The following DKK2 variants were observed in gnomAD, a reference collection of about 807,000 sequenced individuals.
DKK2 encodes the protein dickkopf-related protein 2.
DKK2 carries 11 observed loss-of-function variants against 28.1 expected under a neutral mutation model. The observed-to-expected ratio is 0.39, with a 90% confidence interval of 0.25 to 0.65. The LOEUF (loss-of-function observed/expected upper bound fraction) is 0.65. DKK2 is among the 30% of genes least tolerant of loss of function. The probability of loss-of-function intolerance (pLI) is 0.47; values close to 1 mark genes in which losing one functional copy is unlikely to be tolerated. For synonymous variants in DKK2, 135 were observed against 126.5 expected (o/e 1.07, Z -0.45); for missense variants, 326 against 335.5 (o/e 0.97, Z 0.22).
At chr4:106,930,255 A>C (rs1724483488) in intron 1 of DKK2, among the ~76,000 whole-genome samples, 1 of 152,220 alleles carries the variant, frequency 6.6e-6, no homozygotes. Context: ...AAGTAAAATA[A>C]AATGTAGTCA....
intron 1 of DKK2, among the ~76,000 whole-genome samples, chr4:107,013,899 C>A (rs1723551555): frequency 1.3e-5 from 2 of 151,274 alleles, no homozygotes; most frequent in African/African-American, 2.4e-5. Flanking sequence ...AGACATTTTT[C>A]AAAAGAAGAG....
intron 1 of DKK2, among the ~76,000 whole-genome samples, chr4:107,001,295 C>A (rs1723356275): frequency 6.6e-6 from 1 of 152,094 alleles, no homozygotes; most frequent in South Asian, 2.1e-4. Flanking sequence ...TCTGCCAACA[C>A]CTTGATTTTA....
chr4:107,001,662 A>T (rs1723361143), intron 1 of DKK2, among the ~76,000 whole-genome samples: 1 of 152,146 alleles, frequency 6.6e-6, no homozygotes, highest in Non-Finnish European at 1.5e-5. Context: ...CAGGTTATTC[A>T]CAGGTTTTAA....
intron 1 of DKK2, among the ~76,000 whole-genome samples, chr4:107,011,639 G>T (rs1415853276): frequency 6.6e-6 from 1 of 151,244 alleles, no homozygotes; most frequent in Non-Finnish European, 1.5e-5. Flanking sequence ...AATAACATTT[G>T]CTGCTTCATC....
chr4:106,983,380 G>T lies in DKK2; in HGVS notation c.222+51990C>A, dbSNP rs1026035907. ...AGAAAGAAAGAAAGAAGAAAGAAAAGAAAGAAAAGAAAAAGAAAAAACTTC... is the reference window on the plus strand; with the variant it reads ...AGAAAGAAAGAAAGAAGAAAGAAAATAAAGAAAAGAAAAAGAAAAAACTTC... On this transcript the variant is annotated intron_variant, in intron 1 of 3. Transcript: ENST00000285311. 2.0e-5 allele frequency among the ~76,000 whole-genome samples: 3 copies of T among 147,934 alleles called. 1 individual carries two copies. In the East Asian group the frequency reaches 5.9e-4, roughly 29 times the overall value.
chr4:106,995,299 C>T (rs1185544430), intron 1 of DKK2, among the ~76,000 whole-genome samples: 1 of 151,928 alleles, frequency 6.6e-6, no homozygotes, highest in African/African-American at 2.4e-5. Flanking sequence ...ATTCTTTTTC[C>T]TACACGACTT....
chr4:106,950,096 A>G (rs1724836811), intron 1 of DKK2, among the ~76,000 whole-genome samples: 1 of 152,214 alleles, frequency 6.6e-6, no homozygotes, highest in Admixed American at 6.6e-5. Flanking sequence ...AGAAGGTCTC[A>G]GTAGATACAT....
intron 1 of DKK2, among the ~76,000 whole-genome samples, chr4:106,950,583 T>C (rs910188601): frequency 3.9e-5 from 6 of 152,120 alleles, no homozygotes; most frequent in Admixed American, 6.6e-5. Context: ...TTCTTACTAC[T>C]TGTCCTTGGC....
chr4:106,928,200 A>G (rs1220920675), intron 1 of DKK2, among the ~76,000 whole-genome samples: 1 of 152,172 alleles, frequency 6.6e-6, no homozygotes, highest in African/African-American at 2.4e-5. Flanking sequence ...GTAGCCTTAT[A>G]TTTGAATGGG....
intron 1 of DKK2, among the ~76,000 whole-genome samples, chr4:106,982,126 T>C (rs560279751): frequency 1.1e-3 from 164 of 152,350 alleles, no homozygotes; most frequent in Middle Eastern, 3.4e-3. Flanking sequence ...GATAAAAATT[T>C]ATGAAGTGAT....
intron 3 of DKK2, 113 bp downstream of exon 3, chr4:106,924,425 GACTAGCT>G: frequency 7.5e-7 from 1 of 1,331,326 alleles, no homozygotes; most frequent in Non-Finnish European, 1.0e-6. Flanking sequence ...CAAGTTTAAT[GACTAGCT>G]AGGATTAAAG....
rs866777097 is a variant in DKK2 at position 107,026,668 on chromosome 4, G to C, written c.222+8702C>G. On this transcript the variant is annotated intron_variant, in intron 1 of 3. Transcript: ENST00000285311. The stretch of plus-strand genomic sequence containing the variant: ...GCACAGAATGAATTTTCAGCAATCA[G>C]ACTTGATTGTTATAGCTTTAATTAA... 7.2e-5 allele frequency among the ~76,000 whole-genome samples: 11 copies of C among 152,166 alleles called. 1 individual carries two copies. Among genetic ancestry groups the C allele is most frequent in the Admixed American group, 6.5e-4 (10 of 15,270 alleles).
rs188810538 is a variant in DKK2 at position 106,962,193 on chromosome 4, T to A, written c.223-36244A>T. On this transcript the variant is annotated intron_variant, in intron 1 of 3. Transcript: ENST00000285311. ...GTTGTCAACAGTAGAAATTACAGAT[T>A]CGTCCATATTTCATTATAGTTATTT... is the stretch of plus-strand genomic sequence containing the variant. Among the ~76,000 whole-genome samples the A allele has an allele frequency of 7.7e-4, 118 of 152,304 alleles. 1 individual carries two copies. The highest frequency in any genetic ancestry group is 6.6e-3 in the Admixed American group (101 of 15,284).
intron 1 of DKK2, among the ~76,000 whole-genome samples, chr4:106,957,589 T>G (rs980953349): frequency 2.6e-5 from 4 of 151,742 alleles, no homozygotes; most frequent in Admixed American, 6.6e-5. Context: ...AATGATGAGT[T>G]CATGTCCTTT....
chr4:107,005,843 C>T (rs1007267336), intron 1 of DKK2, among the ~76,000 whole-genome samples: 1 of 151,994 alleles, frequency 6.6e-6, no homozygotes, highest in African/African-American at 2.4e-5. Flanking sequence ...CATAAGCTAC[C>T]CTACTTACAA....
chr4:106,981,722 T>A (rs377350529), intron 1 of DKK2, among the ~76,000 whole-genome samples: 3 of 152,196 alleles, frequency 2.0e-5, no homozygotes, highest in African/African-American at 7.2e-5. Context: ...AAGCCCATCT[T>A]TTTGGATGCT....
intron 1 of DKK2, among the ~76,000 whole-genome samples, chr4:106,943,858 C>A (rs901125909): frequency 1.3e-5 from 2 of 152,064 alleles, no homozygotes; most frequent in Non-Finnish European, 2.9e-5. Flanking sequence ...TTCTAATCAT[C>A]TGGAAATTCT....
chr4:106,925,816 C>G lies in DKK2; in HGVS notation c.356G>C (p.Ser119Thr). 2.5e-6 allele frequency: 4 copies of G among 1,611,032 alleles called. No homozygotes were observed. The highest frequency in any genetic ancestry group is 3.4e-6 in the Non-Finnish European group (4 of 1,178,928). Residue 119 changes from serine to threonine, a missense_variant, in exon 2 of 4, where the codon AGT (serine) becomes ACT (threonine). Transcript: ENST00000285311. ...TCTTTTACCATTATTGCAGCGGGTA[C>G]TGGGGCAGCACATGCCATCTCGGTG... Reference protein sequence around the residue: ...RCHRDGMCCPSTRCNNGICIP... With the variant: ...RCHRDGMCCPTTRCNNGICIP...
intron 1 of DKK2, among the ~76,000 whole-genome samples, chr4:106,952,075 A>G (rs909192031): frequency 1.3e-5 from 2 of 152,120 alleles, no homozygotes; most frequent in African/African-American, 2.4e-5. Context: ...AAGAATTTTT[A>G]CTCTGCATTT....
Sources: gnomAD v4.1 joint callset for allele counts (sites outside exome capture counted in the v4.1 genomes callset) on GRCh38, gnomAD v4.1.1 for gene constraint, MANE v1.5 for transcripts, NCBI Gene and HGNC (gene_info 2026-07-23, HGNC 2026-07-21) for gene names.